Variants in SLC22A23 observed in about 807,000 individuals in gnomAD.
SLC22A23 encodes the protein ion transporter protein.
Under a neutral mutation model 61.0 loss-of-function variants are expected in SLC22A23, and 26 were observed. The observed-to-expected ratio is 0.43, with a 90% CI of 0.31 to 0.59. The LOEUF (loss-of-function observed/expected upper bound fraction) is 0.59, where lower values mean the gene tolerates loss of function less well. SLC22A23 is among the 20% of genes least tolerant of loss of function. The pLI, the probability that SLC22A23 is intolerant of heterozygous loss-of-function variation, is 0.11. For synonymous variants in SLC22A23, 430 were observed against 413.9 expected, an observed-to-expected ratio of 1.04 and a Z score of -0.47; for missense variants, 796 against 934.7, an observed-to-expected ratio of 0.85 and a Z score of 1.94.
At position 3,456,370 on chromosome 6, in the gene SLC22A23, G is replaced by A. The variant is rs1480667251; in HGVS notation, c.190C>T (p.Pro64Ser). The A allele has an allele frequency of 5.2e-6, 8 of 1,542,438 alleles. No homozygotes were observed. Among genetic ancestry groups the A allele is most frequent in the South Asian group, 1.2e-5 (1 of 83,918 alleles). The change falls in exon 1 of 10, where the codon CCG (proline) becomes TCG (serine). Residue 64 changes from proline to serine, a missense_variant. By Grantham distance (74) the Pro-to-Ser change is moderately conservative (BLOSUM62 -1). Coordinates refer to ENST00000406686, the MANE Select transcript of SLC22A23 (RefSeq NM_015482.2). The surrounding 1 kb of genome is among the most constrained non-coding windows in gnomAD (Gnocchi z 7.1). ...GCCGCAGCCGCGGAGCAGCAGCTCG[G>A]GTGCGGGCCGCCTCCAGGATGCAGT... Reference protein sequence around the residue: ...PPLHPGGGPHPSCCSAAAAPS... With the variant: ...PPLHPGGGPHSSCCSAAAAPS...
chr6:3,419,501 G>A (rs1254740344), intron 1 of SLC22A23, among the ~76,000 whole-genome samples: 9 of 152,176 alleles, frequency 5.9e-5, no homozygotes, highest in Admixed American at 3.9e-4. Flanking sequence ...TCGAATTTCC[G>A]GCTGACCTGA....
intron 3 of SLC22A23, among the ~76,000 whole-genome samples, chr6:3,389,093 C>A (rs1767492586): frequency 6.6e-6 from 1 of 151,714 alleles, no homozygotes; most frequent in African/African-American, 2.4e-5. Flanking sequence ...CATGGTGAAG[C>A]CCCATCTCTA....
At chr6:3,408,289 A>G (rs1768965760) in intron 3 of SLC22A23, among the ~76,000 whole-genome samples, 1 of 152,272 alleles carries the variant, frequency 6.6e-6, no homozygotes, top group South Asian at 2.1e-4. Flanking sequence ...TGCTATAAAC[A>G]GCTCACTATG....
intron 3 of SLC22A23, among the ~76,000 whole-genome samples, chr6:3,335,299 C>T (rs143596538): frequency 6.6e-5 from 10 of 152,214 alleles, no homozygotes; most frequent in African/African-American, 2.2e-4. Context: ...CCTTCTAACA[C>T]CCCATGCCAT....
chr6:3,418,645 A>G (rs1416997972), intron 1 of SLC22A23, among the ~76,000 whole-genome samples: 2 of 152,166 alleles, frequency 1.3e-5, no homozygotes, highest in Non-Finnish European at 1.5e-5. Flanking sequence ...CCCCCTGGGG[A>G]GGGGGTGCAG....
intron 1 of SLC22A23, among the ~76,000 whole-genome samples, chr6:3,433,731 G>C (rs115019702): frequency 1.3e-5 from 2 of 152,236 alleles, no homozygotes; most frequent in African/African-American, 2.4e-5. Flanking sequence ...CAACAAACAG[G>C]AACAACTATC....
At chr6:3,294,770 A>G (rs1432225204) in intron 5 of SLC22A23, among the ~76,000 whole-genome samples, 1 of 152,216 alleles carries the variant, frequency 6.6e-6, no homozygotes, top group African/African-American at 2.4e-5. Flanking sequence ...ACACCCACAT[A>G]TCTAAACTCA....
intron 3 of SLC22A23, among the ~76,000 whole-genome samples, chr6:3,367,257 A>G (rs1233514660): frequency 6.6e-6 from 1 of 152,198 alleles, no homozygotes; most frequent in African/African-American, 2.4e-5. Flanking sequence ...ACAGTCCAGA[A>G]ATCAAATTTT....
Position 3,360,276 on chromosome 6 carries a change from C to G in SLC22A23, c.914-36274G>C, listed in dbSNP as rs979557008. ...TAATTTTTATGCTATGTTTATTTTA[C>G]CATGATAAAACAAACACCCCCCTCC... On this transcript the variant is annotated intron_variant, in intron 3 of 9. Transcript: ENST00000406686. The surrounding 1 kb of genome is among the most constrained non-coding windows in gnomAD (Gnocchi z 4.6). 1.3e-5 allele frequency among the ~76,000 whole-genome samples: 2 copies of G among 152,160 alleles called. No individual in the cohort carries two copies. The highest frequency in any genetic ancestry group is 4.8e-5 in the African/African-American group (2 of 41,430).
chr6:3,444,360 T>C (rs1316425430), intron 1 of SLC22A23, among the ~76,000 whole-genome samples: 1 of 152,210 alleles, frequency 6.6e-6, no homozygotes, highest in Non-Finnish European at 1.5e-5. Flanking sequence ...AAATCTCAGC[T>C]GCAAGTGGGA....
At chr6:3,378,657 CTTTTTT>C (rs574704294) in intron 3 of SLC22A23, among the ~76,000 whole-genome samples, 1,257 of 119,110 alleles carry the variant, frequency 0.011, 23 homozygotes, top group African/African-American at 0.036. Flanking sequence ...TTTCTTTTTT[CTTTTTT>C]TTTTTTTTTT....
chr6:3,368,504 A>T (rs919156618), intron 3 of SLC22A23, among the ~76,000 whole-genome samples: 1 of 152,226 alleles, frequency 6.6e-6, no homozygotes, highest in Non-Finnish European at 1.5e-5. Flanking sequence ...TATTCATAAG[A>T]TTCAGAAGTA....
At chr6:3,335,554 G>C (rs1043487451) in intron 3 of SLC22A23, among the ~76,000 whole-genome samples, 1 of 152,182 alleles carries the variant, frequency 6.6e-6, no homozygotes, top group African/African-American at 2.4e-5. Context: ...GCCTCAGTGA[G>C]CAGGGCTCTC....
intron 3 of SLC22A23, among the ~76,000 whole-genome samples, chr6:3,356,532 G>C (rs1436952461): frequency 6.6e-6 from 1 of 152,086 alleles, no homozygotes; most frequent in Non-Finnish European, 1.5e-5. Flanking sequence ...CCTCCCGCTG[G>C]CTGCTTCATT....
In SLC22A23 at chr6:3,286,739, A is replaced by C; in HGVS notation, c.1546+120T>G. On this transcript the variant is annotated intron_variant, in intron 7 of 9. Coordinates refer to ENST00000406686, the MANE Select transcript of SLC22A23 (RefSeq NM_015482.2). The surrounding 1 kb of genome is among the most constrained non-coding windows in gnomAD (Gnocchi z 4.2). ...ACTGAAGCTCTGTTCTCCCCAAAGC[A>C]GCTCCTTCCAGCAGTAGATTTTAGA... 1.1e-6 allele frequency: 1 copy of C among 880,698 alleles called. No individual in the cohort carries two copies. Among genetic ancestry groups the C allele is most frequent in the East Asian group, 2.6e-5 (1 of 37,812 alleles). The allele number at this position is 880,698 out of a possible 1,614,324, so 54.6% of individuals were successfully genotyped here. A position where few individuals can be genotyped will look rare whatever the true frequency, so the allele number is the denominator to read the frequency against.
Position 3,456,260 on chromosome 6 carries a change from C to T in SLC22A23, c.300G>A (p.Val100=), listed in dbSNP as rs577995699. ...GLGGGYQKTL[V]LLTWIPALFI... ...ACAGCGCCGGGATCCAGGTGAGCAG[C>T]ACGAGGGTCTTCTGATAGCCCCCGC... The change falls in exon 1 of 10, where the codon GTG becomes GTA. Residue 100 remains valine, a synonymous_variant. Coordinates refer to ENST00000406686, the MANE Select transcript of SLC22A23 (RefSeq NM_015482.2). The surrounding 1 kb of genome is among the most constrained non-coding windows in gnomAD (Gnocchi z 7.1). The T allele has an allele frequency of 4.5e-6, 7 of 1,551,398 alleles. No individual in the cohort carries two copies. In the African/African-American group the frequency reaches 9.6e-5, roughly 21 times the overall value.
chr6:3,275,909 C>T (rs898227860), intron 9 of SLC22A23, among the ~76,000 whole-genome samples: 4 of 152,198 alleles, frequency 2.6e-5, no homozygotes, highest in African/African-American at 9.6e-5. Context: ...ACAGATAATC[C>T]AGTAAAAAGA....
chr6:3,272,978 T>G lies in SLC22A23; in HGVS notation c.*77A>C, dbSNP rs1370364560. On this transcript the variant is annotated 3_prime_UTR_variant, in exon 10 of 10. Transcript: ENST00000406686. ...CTGAGGCAGCTTTCCCACCCCTGGC[T>G]GCGTGTTCGGTCCCTGGTCTGTAAA... The G allele has an allele frequency of 7.6e-7, 1 of 1,324,138 alleles. No individual in the cohort carries two copies. The highest frequency in any genetic ancestry group is 1.0e-6 in the Non-Finnish European group (1 of 980,146). The allele number at this position is 1,324,138 out of a possible 1,614,324, so 82.0% of individuals were successfully genotyped here.
intron 3 of SLC22A23, among the ~76,000 whole-genome samples, chr6:3,348,440 A>G (rs1346918018): frequency 6.6e-6 from 1 of 152,176 alleles, no homozygotes; most frequent in Non-Finnish European, 1.5e-5. Flanking sequence ...AGCAGTCTGC[A>G]TTGTGTTTAT....
Sources: allele counts gnomAD v4.1 joint callset (sites outside exome capture counted in the v4.1 genomes callset), GRCh38; gene constraint gnomAD v4.1.1; non-coding constraint Gnocchi (gnomAD v3.1); transcripts MANE v1.5; gene names NCBI Gene and HGNC (gene_info 2026-07-23, HGNC 2026-07-21).